Variants in TRAPPC9 observed in about 807,000 individuals in gnomAD.
The protein encoded by TRAPPC9 is IKK2 binding protein.
In TRAPPC9, 83 loss-of-function variants were observed where a neutral mutation model predicts 124.0. That is an observed-to-expected ratio of 0.67 (90% CI 0.56 to 0.80). The LOEUF (loss-of-function observed/expected upper bound fraction) is 0.80. TRAPPC9 is among the 30% of genes least tolerant of loss of function. The pLI is 0.00. For synonymous variants in TRAPPC9, 638 were observed against 617.5 expected (o/e 1.03, Z -0.49); for missense variants, 1,302 against 1,508.3 (o/e 0.86, Z 2.27).
At chr8:139,804,439 T>TCACCACCACACACCAC (rs1331264712) in intron 21 of TRAPPC9, among the ~76,000 whole-genome samples, 1 of 14,908 alleles carries the variant, frequency 6.7e-5, no homozygotes, top group Non-Finnish European at 1.3e-4. Flanking sequence ...CCAAGCACCA[T>TCACCACCACACACCAC]CACCACCACT....
chr8:140,337,381 G>A (rs375849677), intron 9 of TRAPPC9, among the ~76,000 whole-genome samples: 4 of 152,162 alleles, frequency 2.6e-5, no homozygotes, highest in African/African-American at 9.7e-5. Flanking sequence ...CATCCAGAAG[G>A]TGCTGCATTT....
intron 21 of TRAPPC9, among the ~76,000 whole-genome samples, chr8:139,761,595 C>T (rs1307655254): frequency 3.3e-5 from 5 of 152,058 alleles, no homozygotes. Flanking sequence ...TGGGACCCAA[C>T]CCCTCAGCAC....
chr8:139,902,704 T>C (rs1000165103), intron 20 of TRAPPC9, among the ~76,000 whole-genome samples: 2 of 152,170 alleles, frequency 1.3e-5, no homozygotes, highest in Non-Finnish European at 2.9e-5. Context: ...CAGAGCTCCA[T>C]TAGGAAACAT....
intron 17 of TRAPPC9, chr8:140,095,278 TGACAGA>T (rs1844860943): frequency 6.6e-6 from 1 of 152,242 alleles, no homozygotes; most frequent in South Asian, 2.1e-4. Context: ...AACATGCACC[TGACAGA>T]TGGCACGTTG....
rs116433999 is a variant in TRAPPC9, at chr8:140,114,389, C to T, written c.2557-90310G>A. Reference sequence around the variant, plus strand: ...AAATATTCCTAACAGCAACTGCTGACGTTGCAAAAGACACATGGTACTTTA... The same window carrying T: ...AAATATTCCTAACAGCAACTGCTGATGTTGCAAAAGACACATGGTACTTTA... On this transcript the variant is annotated intron_variant, in intron 17 of 22. Transcript: ENST00000438773. 5.3e-3 allele frequency among the ~76,000 whole-genome samples: 795 copies of T among 149,730 alleles called. 8 individuals carry two copies. Among genetic ancestry groups the T allele is most frequent in the African/African-American group, 0.019 (755 of 40,600 alleles).
chr8:140,349,257 GAGGGGGGCCGATGGGGGCGCACGAAGGA>G (rs2067456647), intron 9 of TRAPPC9, among the ~76,000 whole-genome samples: 19 of 83,348 alleles, frequency 2.3e-4, no homozygotes, highest in Non-Finnish European at 3.9e-4. Context: ...GAAGGGCACA[GAGGGGGGCCGATGGGGGCGCACGAAGGA>G]AGGGCACACC....
intron 21 of TRAPPC9, among the ~76,000 whole-genome samples, chr8:139,766,719 T>G (rs2130404672): frequency 6.6e-6 from 1 of 152,282 alleles, no homozygotes; most frequent in East Asian, 1.9e-4. Context: ...TCCCCGCTCC[T>G]GAGGTCACTC....
At chr8:140,365,861 T>G (rs1425910016) in intron 8 of TRAPPC9, among the ~76,000 whole-genome samples, 2 of 152,244 alleles carry the variant, frequency 1.3e-5, no homozygotes, top group East Asian at 3.8e-4. Context: ...CAGATTAGTT[T>G]GTGACCCAGG....
At chr8:139,765,628 G>A (rs1354295006) in intron 21 of TRAPPC9, among the ~76,000 whole-genome samples, 1 of 152,212 alleles carries the variant, frequency 6.6e-6, no homozygotes, top group East Asian at 1.9e-4. Flanking sequence ...GTGGTGGCAG[G>A]CTCCAGAGGC....
intron 21 of TRAPPC9, among the ~76,000 whole-genome samples, chr8:139,810,032 G>T: frequency 6.6e-6 from 1 of 152,158 alleles, no homozygotes; most frequent in African/African-American, 2.4e-5. Context: ...CAGGTGGGGG[G>T]AGATTCTGCT....
At chr8:140,256,384 C>T (rs999929486) in intron 15 of TRAPPC9, among the ~76,000 whole-genome samples, 1 of 152,174 alleles carries the variant, frequency 6.6e-6, no homozygotes, top group Non-Finnish European at 1.5e-5. Context: ...TCAATTGGGT[C>T]GCAGCTTTCT....
chr8:140,036,696 G>A (rs1016179915), intron 17 of TRAPPC9, among the ~76,000 whole-genome samples: 4 of 152,140 alleles, frequency 2.6e-5, no homozygotes, highest in East Asian at 1.9e-4. Context: ...ACAGGGAGAC[G>A]CTGCAGAACT....
At chr8:140,448,604 G>A (rs1337532564) in intron 2 of TRAPPC9, among the ~76,000 whole-genome samples, 1 of 152,240 alleles carries the variant, frequency 6.6e-6, no homozygotes, top group Non-Finnish European at 1.5e-5. Flanking sequence ...CAGGATTCCT[G>A]ACCCATGCTG....
chr8:140,410,569 C>A (rs751499161), intron 5 of TRAPPC9, among the ~76,000 whole-genome samples: 15 of 152,100 alleles, frequency 9.9e-5, no homozygotes, highest in South Asian at 6.2e-4. Flanking sequence ...AAAGGCCGGG[C>A]GCAGTGGCTC....
At chr8:140,124,006 G>T (rs527431787) in intron 17 of TRAPPC9, among the ~76,000 whole-genome samples, 133 of 152,308 alleles carry the variant, frequency 8.7e-4, no homozygotes, top group African/African-American at 3.1e-3. Context: ...AGCAGCAAGT[G>T]TCCCCACCAG....
chr8:139,902,107 C>A (rs79419333), intron 20 of TRAPPC9, among the ~76,000 whole-genome samples: 2 of 152,186 alleles, frequency 1.3e-5, no homozygotes, highest in African/African-American at 4.8e-5. Flanking sequence ...ACACAACACA[C>A]GTCGATCCGT....
chr8:140,358,470 G>A (rs1230386774), intron 9 of TRAPPC9, among the ~76,000 whole-genome samples: 1 of 152,200 alleles, frequency 6.6e-6, no homozygotes, highest in Admixed American at 6.5e-5. Context: ...GCCTCCCAAA[G>A]AGATCGGATT....
intron 19 of TRAPPC9, among the ~76,000 whole-genome samples, chr8:139,921,987 G>A (rs1363502230): frequency 6.6e-6 from 1 of 151,918 alleles, no homozygotes; most frequent in African/African-American, 2.4e-5. Flanking sequence ...TGTCAGAGAA[G>A]CCCACATGGA....
At chr8:140,264,686 T>C (rs1252891197) in intron 15 of TRAPPC9, among the ~76,000 whole-genome samples, 1 of 151,996 alleles carries the variant, frequency 6.6e-6, no homozygotes, top group African/African-American at 2.4e-5. Flanking sequence ...CAAAGGCACC[T>C]GACTTCCTCA....
Sources: gnomAD v4.1 joint callset for allele counts (sites outside exome capture counted in the v4.1 genomes callset) on GRCh38, gnomAD v4.1.1 for gene constraint, MANE v1.5 for transcripts, NCBI Gene and HGNC (gene_info 2026-07-23, HGNC 2026-07-21) for gene names.